The following CUL2 variants were observed in gnomAD, a reference collection of about 807,000 sequenced individuals.
CUL2 encodes the protein cullin-2.
Under a neutral mutation model 110.2 loss-of-function variants are expected in CUL2, and 22 were observed. The observed-to-expected ratio is 0.20, with a 90% CI of 0.14 to 0.28. The LOEUF (loss-of-function observed/expected upper bound fraction) is 0.28, where lower values mean the gene tolerates loss of function less well. Ranked by LOEUF, CUL2 falls within the 10% of genes least tolerant of loss-of-function variation. The probability of loss-of-function intolerance (pLI) is 1.00; values close to 1 mark genes in which losing one functional copy is unlikely to be tolerated. For synonymous variants in CUL2, 279 were observed against 293.2 expected, an observed-to-expected ratio of 0.95 and a Z score of 0.49; for missense variants, 631 against 905.5, an observed-to-expected ratio of 0.70 and a Z score of 3.89.
intron 1 of CUL2, among the ~76,000 whole-genome samples, chr10:35,102,207 C>G (rs944643808): frequency 6.6e-6 from 1 of 151,148 alleles, no homozygotes; most frequent in Non-Finnish European, 1.5e-5. Context: ...GCCACTCCAG[C>G]CTGGGTGACA....
At chr10:35,102,826 T>C (rs1035671939) in intron 1 of CUL2, among the ~76,000 whole-genome samples, 1 of 149,192 alleles carries the variant, frequency 6.7e-6, no homozygotes, top group Non-Finnish European at 1.5e-5. Context: ...GAAGTTGCAA[T>C]GAGCTGAGAT....
At chr10:35,107,264 G>T (rs1176040792) in intron 1 of CUL2, among the ~76,000 whole-genome samples, 1 of 151,684 alleles carries the variant, frequency 6.6e-6, no homozygotes, top group Non-Finnish European at 1.5e-5. Flanking sequence ...ATGAGCCACC[G>T]CGCCCAGCTG....
At chr10:35,071,087 A>G in intron 2 of CUL2, 112 bp downstream of exon 2, 2 of 995,310 alleles carry the variant, frequency 2.0e-6, no homozygotes, top group Non-Finnish European at 3.0e-6. Flanking sequence ...AGATGATAAT[A>G]TATTAGAAAA....
At chr10:35,057,264 T>C (rs1426207708) in intron 4 of CUL2, among the ~76,000 whole-genome samples, 2 of 152,228 alleles carry the variant, frequency 1.3e-5, no homozygotes, top group East Asian at 3.8e-4. Context: ...TATTATCTTT[T>C]CCTCACAGAA....
intron 19 of CUL2, among the ~76,000 whole-genome samples, 180 bp downstream of exon 19, chr10:35,013,519 T>C (rs1175985836): frequency 6.6e-6 from 1 of 152,114 alleles, no homozygotes; most frequent in East Asian, 1.9e-4. Context: ...AAAACTAAAA[T>C]ACAAGTAGAG....
intron 1 of CUL2, among the ~76,000 whole-genome samples, chr10:35,079,019 G>C (rs1434223208): frequency 6.6e-6 from 1 of 152,076 alleles, no homozygotes; most frequent in Non-Finnish European, 1.5e-5. Context: ...CCAATAAAGA[G>C]CCTTACAGCA....
chr10:35,032,596 C>T, intron 11 of CUL2, 102 bp from the exon 12 acceptor site: 1 of 781,492 alleles, frequency 1.3e-6, no homozygotes, highest in South Asian at 1.9e-5. Flanking sequence ...TACCCCGCCA[C>T]ATAAAACACA....
rs142283877 is a variant in CUL2 at position 35,065,085 on chromosome 10, C to G, written c.120-2023G>C. Reference sequence around the variant, plus strand: ...CACCATAGTTTTGGGTCTCAAATCACTGTATAATTTTAACCAATTAACTAT... The same window carrying G: ...CACCATAGTTTTGGGTCTCAAATCAGTGTATAATTTTAACCAATTAACTAT... On this transcript the variant is annotated intron_variant, in intron 2 of 20. Coordinates refer to ENST00000374749, the MANE Select transcript of CUL2 (RefSeq NM_003591.4). Among the ~76,000 whole-genome samples the G allele has an allele frequency of 4.8e-3, 724 of 152,338 alleles. 7 individuals are homozygous for G. Among genetic ancestry groups the G allele is most frequent in the Non-Finnish European group, 4.5e-3 (308 of 68,028 alleles).
intron 2 of CUL2, among the ~76,000 whole-genome samples, chr10:35,065,484 T>A (rs909679427): frequency 6.6e-6 from 1 of 152,130 alleles, no homozygotes; most frequent in Admixed American, 6.5e-5. Flanking sequence ...GCCGGCGTGG[T>A]GACAGGTGCC....
At chr10:35,043,487 G>GT (rs1314744803) in intron 8 of CUL2, among the ~76,000 whole-genome samples, 1 of 152,198 alleles carries the variant, frequency 6.6e-6, no homozygotes, top group Non-Finnish European at 1.5e-5. Flanking sequence ...TGACACAACA[G>GT]TGTATCGGTA....
chr10:35,025,986 T>C lies in CUL2; in HGVS notation c.1618-788A>G, dbSNP rs540240217. 1.6e-4 allele frequency among the ~76,000 whole-genome samples: 24 copies of C among 152,348 alleles called. No homozygotes were observed. In the East Asian group the frequency reaches 4.4e-3, roughly 28 times the overall value. ...GTATATCAAACTTTACCTTTTGTAC[T>C]TTAAAAAGGAAGTTCACATAAAGCA... On this transcript the variant is annotated intron_variant, in intron 16 of 20. Transcript: ENST00000374749.
intron 6 of CUL2, among the ~76,000 whole-genome samples, chr10:35,049,428 C>CTTAT (rs1367745080): frequency 2.0e-5 from 3 of 151,752 alleles, no homozygotes; most frequent in Admixed American, 1.3e-4. Flanking sequence ...CCCTCAGATA[C>CTTAT]TTATTTATAT....
In CUL2 at chr10:35,031,253, T is replaced by C. The variant is rs1251423110; in HGVS notation, c.1386+47A>G. 3 of 1,195,024 alleles carry C rather than the reference T, an allele frequency of 2.5e-6. No homozygotes were observed. The highest frequency in any genetic ancestry group is 2.1e-4 in the Middle Eastern group (1 of 4,876). The allele number at this position is 1,195,024 out of a possible 1,614,324, so 74.0% of individuals were successfully genotyped here. On this transcript the variant is annotated intron_variant, in intron 14 of 20. Transcript: ENST00000374749. The surrounding 1 kb of genome is among the most constrained non-coding windows in gnomAD (Gnocchi z 4.4). ...TGCTGCAATGAACATCTTTATGTGC[T>C]TGTGAATGAATTTCTAGGACAATAC... is the stretch of plus-strand genomic sequence containing the variant.
At chr10:35,025,286 C>A (rs2085308629) in intron 16 of CUL2, 88 bp from the exon 17 acceptor site, 2 of 1,422,318 alleles carry the variant, frequency 1.4e-6, no homozygotes, top group South Asian at 1.6e-5. Flanking sequence ...GCAATGAAAA[C>A]CATTCATATT....
intron 1 of CUL2, among the ~76,000 whole-genome samples, chr10:35,117,960 C>T (rs1459414269): frequency 3.9e-5 from 6 of 152,172 alleles, no homozygotes; most frequent in African/African-American, 1.4e-4. Context: ...TTCATCCCCT[C>T]CCCCATATAT....
At chr10:35,122,005 C>T (rs1305457558) in intron 1 of CUL2, among the ~76,000 whole-genome samples, 2 of 152,150 alleles carry the variant, frequency 1.3e-5, no homozygotes, top group East Asian at 1.9e-4. Flanking sequence ...AACACACATA[C>T]ACAATGGTAT....
At chr10:35,039,341 T>C (rs1588982561) in intron 8 of CUL2, among the ~76,000 whole-genome samples, 1 of 152,352 alleles carries the variant, frequency 6.6e-6, no homozygotes, top group East Asian at 1.9e-4. Context: ...TTCATTTACC[T>C]ACACCATTCA....
chr10:35,028,519 T>C (rs906384041), intron 16 of CUL2, among the ~76,000 whole-genome samples: 17 of 152,246 alleles, frequency 1.1e-4, no homozygotes, highest in Non-Finnish European at 2.1e-4. Context: ...AGCTTTCTTC[T>C]GATATCAACA....
chr10:35,048,509 A>G (rs552048500), intron 6 of CUL2, among the ~76,000 whole-genome samples: 2 of 152,364 alleles, frequency 1.3e-5, no homozygotes, highest in East Asian at 3.8e-4. Flanking sequence ...CAGTATTGTC[A>G]TTATACTTTT....
Sources: allele counts gnomAD v4.1 joint callset (sites outside exome capture counted in the v4.1 genomes callset), GRCh38; gene constraint gnomAD v4.1.1; non-coding constraint Gnocchi (gnomAD v3.1); transcripts MANE v1.5; gene names NCBI Gene and HGNC (gene_info 2026-07-23, HGNC 2026-07-21).